The following SPAG4 variants were observed in gnomAD, a reference collection of about 807,000 sequenced individuals.
SPAG4 encodes the protein sperm associated antigen 4, also known as sperm-associated antigen 4 protein.
A neutral mutation model predicts 53.9 loss-of-function variants in SPAG4; 54 were observed. The ratio of observed to expected loss-of-function variants is 1.00; its 90% CI spans 0.80 to 1.26. SPAG4 has a LOEUF of 1.26. Ranked by LOEUF, SPAG4 falls within the 50% of genes most tolerant of loss-of-function variation. SPAG4 has a pLI of 0.00. For synonymous variants in SPAG4, 246 were observed against 237.4 expected (o/e 1.04, Z -0.33); for missense variants, 548 against 568.6 (o/e 0.96, Z 0.37).
intron 5 of SPAG4, 119 bp from the exon 6 acceptor site, chr20:35,618,331 A>T (rs1027902641): frequency 3.1e-5 from 41 of 1,309,522 alleles, no homozygotes; most frequent in African/African-American, 5.8e-5. Context: ...GAGGTCAAGG[A>T]GGAGTCGAGG....
chr20:35,616,873 G>T (rs1015240924), intron 1 of SPAG4: 15 of 477,548 alleles, frequency 3.1e-5, no homozygotes, highest in African/African-American at 3.0e-4. Flanking sequence ...CAGGTGATCC[G>T]CCCGCCTCGG....
Position 35,621,071 on chromosome 20 carries a change from T to C in SPAG4, c.*49T>C, listed in dbSNP as rs1279603274. 1 of 1,593,320 alleles carries C rather than the reference T, an allele frequency of 6.3e-7. No individual in the cohort carries two copies. Among genetic ancestry groups the C allele is most frequent in the Admixed American group, 1.7e-5 (1 of 59,618 alleles). ...TTGAGTTCTGCTGAAGGATACTGGA[T>C]CAGTGCTTTCGGGGGCTCTGTTGGG... is the stretch of plus-strand genomic sequence containing the variant. On this transcript the variant is annotated 3_prime_UTR_variant, in exon 12 of 12. Transcript: ENST00000374273.
At chr20:35,618,844 CA>C in intron 7 of SPAG4, 78 bp from the exon 8 acceptor site, 1 of 1,484,274 alleles carries the variant, frequency 6.7e-7, no homozygotes, top group Non-Finnish European at 9.4e-7. Context: ...CCAAAGCAAC[CA>C]GCTCCCAGAG....
chr20:35,616,459 G>A (rs1333212129), intron 1 of SPAG4, 152 bp downstream of exon 1: 9 of 1,217,354 alleles, frequency 7.4e-6, no homozygotes, highest in Non-Finnish European at 9.6e-6. Flanking sequence ...GATCCCTTAA[G>A]GGGCGGAGCC....
chr20:35,618,779 C>G, intron 7 of SPAG4, 59 bp downstream of exon 7: 1 of 1,459,920 alleles, frequency 6.8e-7, no homozygotes, highest in Non-Finnish European at 9.4e-7. Context: ...GGTCCTGAGA[C>G]TTAAGCTCCG....
In SPAG4 at chr20:35,620,908, G is replaced by T; in HGVS notation, c.1200G>T (p.Lys400Asn). ...NDPPAAFPKV[K>N]IQILSNWGHP... ...CCCCAGCTGCCTTTCCCAAGGTGAA[G>T]ATCCAGATTCTAAGCAACTGGGGCC... The change falls in exon 12 of 12, where the codon AAG becomes AAT. Residue 400 changes from lysine to asparagine, a missense_variant. Physicochemically the swap from Lys to Asn is moderately conservative, Grantham distance 94. Coordinates refer to ENST00000374273, the MANE Select transcript of SPAG4 (RefSeq NM_003116.3). 9.3e-6 allele frequency: 15 copies of T among 1,614,234 alleles called. No homozygotes were observed. The highest frequency in any genetic ancestry group is 1.3e-5 in the Non-Finnish European group (15 of 1,180,040).
rs749958937 is a variant in SPAG4, at chr20:35,620,681, C to A, written c.1078-3C>A. On this transcript the variant is annotated splice_polypyrimidine_tract_variant and splice_region_variant and intron_variant, in intron 10 of 11. Transcript: ENST00000374273. The stretch of plus-strand genomic sequence containing the variant: ...GTTCCTCCTTTCATTCTTCACCCAC[C>A]AGGGCCTCCAGGTTTATGATGAAAC... 6 of 1,596,712 alleles carry A rather than the reference C, an allele frequency of 3.8e-6. No homozygotes were observed. The highest frequency in any genetic ancestry group is 1.7e-6 in the Non-Finnish European group (2 of 1,168,554).
At chr20:35,617,706 T>C (rs2031435183) in intron 3 of SPAG4, 73 bp from the exon 4 acceptor site, 6 of 1,569,280 alleles carry the variant, frequency 3.8e-6, no homozygotes, top group Non-Finnish European at 5.3e-6. Context: ...TGGCAAGAGC[T>C]GGGTCTAGGA....
intron 1 of SPAG4, 111 bp downstream of exon 1, chr20:35,616,418 T>A: frequency 1.4e-6 from 2 of 1,395,136 alleles, no homozygotes; most frequent in Non-Finnish European, 1.9e-6. Context: ...ACAAGGTGGG[T>A]CCTGTAGGGT....
At chr20:35,616,763 G>A in intron 1 of SPAG4, 1 of 239,180 alleles carries the variant, frequency 4.2e-6, no homozygotes, top group Non-Finnish European at 8.1e-6. Context: ...CCGAGTAGCT[G>A]GGATTACAGG....
Position 35,616,172 on chromosome 20 carries a change from T to G in SPAG4, c.169T>G (p.Cys57Gly), listed in dbSNP as rs1050781845. 1 of 1,595,552 alleles carries G rather than the reference T, an allele frequency of 6.3e-7. No individual in the cohort carries two copies. Among genetic ancestry groups the G allele is most frequent in the African/African-American group, 1.4e-5 (1 of 73,972 alleles). The stretch of plus-strand genomic sequence containing the variant: ...GGGCAGAAGAGCCCGGGGCCCGAGC[T>G]GCGGTGAGCCCGCCTTGAGCGCGGG... ...PEGRRARGPSCGEPALSAGVP... is the reference protein window; with the variant it reads ...PEGRRARGPSGGEPALSAGVP... The change falls in exon 1 of 12, where the codon TGC becomes GGC. Residue 57 changes from cysteine to glycine, a missense_variant. Cys to Gly is a radical substitution (Grantham distance 159). Transcript: ENST00000374273.
Position 35,616,156 on chromosome 20 carries a change from A to G in SPAG4, c.153A>G (p.Arg51=). Residue 51 remains arginine, a synonymous_variant, in exon 1 of 12, where the codon AGA becomes AGG. Transcript: ENST00000374273. The stretch of plus-strand genomic sequence containing the variant: ...GGCCTGGGGAGCCCGAGGGCAGAAG[A>G]GCCCGGGGCCCGAGCTGCGGTGAGC... ...EPGPGEPEGR[R]ARGPSCGEPA... The G allele has an allele frequency of 1.2e-6, 2 of 1,601,078 alleles. No homozygotes were observed. The highest frequency in any genetic ancestry group is 1.7e-5 in the Admixed American group (1 of 57,970).
At chr20:35,616,533 G>A (rs2031388149) in intron 1 of SPAG4, 1 of 298,546 alleles carries the variant, frequency 3.3e-6, no homozygotes. Context: ...CCACTGAGGG[G>A]GCGCGGCCTC....
intron 2 of SPAG4, 26 bp from the exon 3 acceptor site, chr20:35,617,494 T>C (rs1267593580): frequency 4.5e-6 from 7 of 1,567,572 alleles, no homozygotes; most frequent in Non-Finnish European, 6.1e-6. Flanking sequence ...CGTGGGCCCC[T>C]CTCTGACCCT....
intron 5 of SPAG4, 74 bp from the exon 6 acceptor site, chr20:35,618,376 C>A: frequency 2.5e-6 from 4 of 1,585,518 alleles, no homozygotes; most frequent in Non-Finnish European, 3.5e-6. Flanking sequence ...GAAGCCCTGG[C>A]CGTTTCCAGG....
At position 35,620,740 on chromosome 20, in the gene SPAG4, T is replaced by A; in HGVS notation, c.1134T>A (p.Val378=). Residue 378 remains valine (V), a synonymous_variant, in exon 11 of 12, where the codon GTT becomes GTA. Transcript: ENST00000374273. ...CCTTGGGGAAATTCACCTTCGATGTTGAGAAATCGGAGATTCAGACTTTCC... is the reference window on the plus strand; with the variant it reads ...CCTTGGGGAAATTCACCTTCGATGTAGAGAAATCGGAGATTCAGACTTTCC... ...EVSLGKFTFD[V]EKSEIQTFHL... is the part of the protein sequence containing the mutation. 6.2e-7 allele frequency: 1 copy of A among 1,613,048 alleles called. No homozygotes were observed.
At chr20:35,617,355 A>C in intron 2 of SPAG4, 115 bp downstream of exon 2, 1 of 941,604 alleles carries the variant, frequency 1.1e-6, no homozygotes, top group South Asian at 1.4e-5. Context: ...CCGAGCCTCA[A>C]CTCATTCCTA....
At chr20:35,619,996 C>T (rs562417403) in intron 10 of SPAG4, among the ~76,000 whole-genome samples, 48 of 152,254 alleles carry the variant, frequency 3.2e-4, no homozygotes, top group Admixed American at 2.4e-3. Context: ...GAGACAGTCT[C>T]GCTCTTGTCA....
At chr20:35,620,634 C>T (rs745515669) in intron 10 of SPAG4, 50 bp from the exon 11 acceptor site, 5 of 580,320 alleles carry the variant, frequency 8.6e-6, no homozygotes, top group East Asian at 3.5e-5. Flanking sequence ...CCGCCCCCCC[C>T]GCCCCACCTG....
Sources: gnomAD v4.1 joint callset for allele counts (sites outside exome capture counted in the v4.1 genomes callset) on GRCh38, gnomAD v4.1.1 for gene constraint, MANE v1.5 for transcripts, NCBI Gene and HGNC (gene_info 2026-07-23, HGNC 2026-07-21) for gene names.